Variants in KCNJ12 observed in about 807,000 individuals in gnomAD.
KCNJ12 encodes the protein ATP-sensitive inward rectifier potassium channel 12.
Under a neutral mutation model 22.3 loss-of-function variants are expected in KCNJ12, and 2 were observed. The observed-to-expected ratio is 0.09, with a 90% confidence interval of 0.04 to 0.28. KCNJ12 has a LOEUF of 0.28. Ranked by LOEUF, KCNJ12 falls within the 10% of genes least tolerant of loss-of-function variation. The pLI, the probability that KCNJ12 is intolerant of heterozygous loss-of-function variation, is 1.00. For synonymous variants in KCNJ12, 117 were observed against 261.4 expected, an observed-to-expected ratio of 0.45 and a Z score of 5.33; for missense variants, 155 against 633.3, an observed-to-expected ratio of 0.24 and a Z score of 8.11.
At chr17:21,395,344 C>T (rs1905319644) in intron 1 of KCNJ12, among the ~76,000 whole-genome samples, 1 of 148,526 alleles carries the variant, frequency 6.7e-6, no homozygotes, top group South Asian at 2.1e-4. Flanking sequence ...CCTGTAATCC[C>T]AGCATTTTGG....
chr17:21,383,919 T>C (rs1904976128), intron 1 of KCNJ12, among the ~76,000 whole-genome samples: 1 of 152,034 alleles, frequency 6.6e-6, no homozygotes, highest in South Asian at 2.1e-4. Context: ...AATATAACAG[T>C]TTTTAATTAT....
chr17:21,401,109 C>T (rs1247078003), intron 1 of KCNJ12, among the ~76,000 whole-genome samples: 1 of 152,416 alleles, frequency 6.6e-6, no homozygotes, highest in South Asian at 2.1e-4. Flanking sequence ...CTCCGGGAAC[C>T]TGCTCCACTG....
chr17:21,382,685 G>T (rs1597552731), intron 1 of KCNJ12, among the ~76,000 whole-genome samples: 1 of 152,164 alleles, frequency 6.6e-6, no homozygotes, highest in Admixed American at 6.5e-5. Flanking sequence ...AGAAAAGACA[G>T]GGCTGGTGGC....
At chr17:21,382,603 A>G (rs1904907726) in intron 1 of KCNJ12, among the ~76,000 whole-genome samples, 1 of 152,170 alleles carries the variant, frequency 6.6e-6, no homozygotes, top group African/African-American at 2.4e-5. Context: ...CTCTGCAACT[A>G]TAGAGACTGG....
At chr17:21,377,882 AG>A (rs1904721933) in intron 1 of KCNJ12, among the ~76,000 whole-genome samples, 1 of 151,958 alleles carries the variant, frequency 6.6e-6, no homozygotes, top group African/African-American at 2.4e-5. Context: ...CCCATTTCCC[AG>A]GGGGCGTTCC....
At chr17:21,391,589 C>A (rs1181926514) in intron 1 of KCNJ12, among the ~76,000 whole-genome samples, 3 of 152,260 alleles carry the variant, frequency 2.0e-5, no homozygotes, top group East Asian at 1.9e-4. Context: ...CCGCCCAGCC[C>A]TCTTCCTCCT....
rs781837062 is a variant in KCNJ12, at chr17:21,416,659, A to G, written c.*15A>G. On this transcript the variant is annotated 3_prime_UTR_variant, in exon 3 of 3. Transcript: ENST00000583088. The stretch of plus-strand genomic sequence containing the variant: ...CAGAGATCTGAGCCAACCTTGGCCG[A>G]CATGCAGCATCCACCCCCGGCTGGG... 32 of 1,588,340 alleles carry G rather than the reference A, an allele frequency of 2.0e-5. No individual in the cohort carries two copies. The highest frequency in any genetic ancestry group is 2.3e-5 in the Non-Finnish European group (27 of 1,169,012).
chr17:21,400,768 C>A (rs1228045849), intron 1 of KCNJ12, among the ~76,000 whole-genome samples: 2 of 152,312 alleles, frequency 1.3e-5, no homozygotes, highest in African/African-American at 4.8e-5. Context: ...AAGAGAGAAC[C>A]CATATAGGGC....
At position 21,417,190 on chromosome 17, in the gene KCNJ12, G is replaced by T; in HGVS notation, c.*546G>T. On this transcript the variant is annotated 3_prime_UTR_variant, in exon 3 of 3. Coordinates refer to ENST00000583088, the MANE Select transcript of KCNJ12 (RefSeq NM_021012.5). ...GCCAGGATGCAGCAGCTGGCTGAAG[G>T]CTCCAGAGGGTTCCCCGAGGTGGGA... The T allele has an allele frequency of 5.9e-6, 1 of 168,906 alleles. No homozygotes were observed. 10.5% of individuals were successfully genotyped at this position (168,906 alleles called of 1,614,324 possible). A position where few individuals can be genotyped will look rare whatever the true frequency, so the allele number is the denominator to read the frequency against.
intron 1 of KCNJ12, among the ~76,000 whole-genome samples, chr17:21,379,793 G>T (rs570050604): frequency 4.6e-5 from 7 of 151,666 alleles, no homozygotes; most frequent in African/African-American, 1.7e-4. Context: ...GGGGTTGGGG[G>T]TGGGGGGGGG....
intron 1 of KCNJ12, among the ~76,000 whole-genome samples, chr17:21,395,095 C>T (rs1482967692): frequency 6.6e-6 from 1 of 151,670 alleles, no homozygotes; most frequent in Non-Finnish European, 1.5e-5. Flanking sequence ...GCCGGAAGTT[C>T]AAGACCAGCC....
intron 1 of KCNJ12, among the ~76,000 whole-genome samples, chr17:21,380,563 A>T (rs575763194): frequency 1.3e-5 from 2 of 151,568 alleles, no homozygotes; most frequent in Admixed American, 6.6e-5. Flanking sequence ...AGTGCTCAGG[A>T]TGGGGCAGTA....
At chr17:21,389,439 C>A (rs1276001275) in intron 1 of KCNJ12, among the ~76,000 whole-genome samples, 1 of 152,244 alleles carries the variant, frequency 6.6e-6, no homozygotes, top group Non-Finnish European at 1.5e-5. Context: ...CATCCCGGAG[C>A]CCTGGCCCCC....
chr17:21,384,976 C>T (rs1401908292), intron 1 of KCNJ12, among the ~76,000 whole-genome samples: 2 of 152,124 alleles, frequency 1.3e-5, no homozygotes, highest in Admixed American at 6.5e-5. Flanking sequence ...GGGGTTTCAC[C>T]GTGTTAGCCA....
At chr17:21,407,825 A>T (rs1906060661) in intron 1 of KCNJ12, among the ~76,000 whole-genome samples, 3 of 141,540 alleles carry the variant, frequency 2.1e-5, no homozygotes, top group African/African-American at 5.4e-5. Context: ...CCATTCATCC[A>T]CTCATCCATC....
intron 2 of KCNJ12, among the ~76,000 whole-genome samples, chr17:21,414,485 AAAAG>A (rs1906569669): frequency 6.6e-6 from 1 of 151,940 alleles, no homozygotes; most frequent in Non-Finnish European, 1.5e-5. Context: ...AAAAAAGAAA[AAAAG>A]AAAGAAAAGA....
chr17:21,416,957 C>A lies in KCNJ12; in HGVS notation c.*313C>A. On this transcript the variant is annotated 3_prime_UTR_variant, in exon 3 of 3. Coordinates refer to ENST00000583088, the MANE Select transcript of KCNJ12 (RefSeq NM_021012.5). ...CAGCCTGCGGGGAAGCAGCTCAGCT[C>A]GATGGTGGGCCCAGCCTCTGCTGTC... is the stretch of plus-strand genomic sequence containing the variant. The A allele has an allele frequency of 6.4e-6, 3 of 468,234 alleles. No individual in the cohort carries two copies. The highest frequency in any genetic ancestry group is 1.2e-5 in the Non-Finnish European group (3 of 258,860). The allele number at this position is 468,234 out of a possible 1,614,324, so 29.0% of individuals were successfully genotyped here.
At chr17:21,392,230 C>A (rs1293876538) in intron 1 of KCNJ12, among the ~76,000 whole-genome samples, 3 of 152,212 alleles carry the variant, frequency 2.0e-5, no homozygotes. Flanking sequence ...GACCACTGGA[C>A]CACTGGACCT....
intron 1 of KCNJ12, among the ~76,000 whole-genome samples, chr17:21,382,631 T>C (rs1241622929): frequency 1.3e-5 from 2 of 152,206 alleles, no homozygotes; most frequent in African/African-American, 2.4e-5. Context: ...TCTGCTTGCC[T>C]GAGCACTGCC....
Sources: allele counts gnomAD v4.1 joint callset (sites outside exome capture counted in the v4.1 genomes callset), GRCh38; gene constraint gnomAD v4.1.1; transcripts MANE v1.5; gene names NCBI Gene and HGNC (gene_info 2026-07-23, HGNC 2026-07-21).